The following FIRRM variants were observed in gnomAD, a reference collection of about 807,000 sequenced individuals.
The protein encoded by FIRRM is FIGNL1 interacting regulator of recombination and mitosis, also known as FIGNL1-interacting regulator of recombination and mitosis.
the FIRRM span, chr1:169,852,889 C>T: frequency 6.2e-7 from 1 of 1,614,136 alleles, no homozygotes; most frequent in Non-Finnish European, 8.5e-7. Context: ...TGAGTCACTA[C>T]TCCAAAAGGG....
At chr1:169,830,888 G>A in the FIRRM span, 3 of 718,680 alleles carry the variant, frequency 4.2e-6, no homozygotes, top group East Asian at 2.7e-5. Context: ...TTGTATTAAT[G>A]CTGATGCTTT....
At chr1:169,799,923 G>A in the FIRRM span, among the ~76,000 whole-genome samples, 1 of 152,100 alleles carries the variant, frequency 6.6e-6, no homozygotes, top group Non-Finnish European at 1.5e-5. Flanking sequence ...GCAGTAGTGC[G>A]ATCATAGCTC....
chr1:169,850,994 TTTTTTTTTTTTTA>T, the FIRRM span: 2 of 54,284 alleles, frequency 3.7e-5, no homozygotes, highest in African/African-American at 1.5e-4. Flanking sequence ...TTTTTTTTTT[TTTTTTTTTTTTTA>T]TTTGGGCAGC....
chr1:169,851,738 C>T, the FIRRM span: 1 of 1,544,502 alleles, frequency 6.5e-7, no homozygotes, highest in Non-Finnish European at 8.7e-7. Context: ...ACACTCAGCA[C>T]TTAAATTATG....
the FIRRM span, chr1:169,821,574 T>A: frequency 1.3e-6 from 1 of 784,590 alleles, no homozygotes; most frequent in Non-Finnish European, 1.9e-6. Flanking sequence ...TAAGAGGGGT[T>A]TTTTTTGTTT....
the FIRRM span, among the ~76,000 whole-genome samples, chr1:169,823,920 C>T: frequency 2.0e-5 from 3 of 152,148 alleles, no homozygotes; most frequent in Admixed American, 6.5e-5. Context: ...AACTGAATTA[C>T]AGAAAGGTAT....
the FIRRM span, among the ~76,000 whole-genome samples, chr1:169,797,207 A>G: frequency 2.0e-5 from 3 of 152,240 alleles, no homozygotes; most frequent in Non-Finnish European, 4.4e-5. Context: ...TAATTAGACA[A>G]TACTTTTTTT....
At chr1:169,852,941 A>G in the FIRRM span, 11 of 1,614,054 alleles carry the variant, frequency 6.8e-6, no homozygotes, top group Non-Finnish European at 9.3e-6. Context: ...GAGGCGCTCC[A>G]AGAAAGGATG....
At chr1:169,827,007 A>G in the FIRRM span, 3 of 1,582,038 alleles carry the variant, frequency 1.9e-6, no homozygotes, top group Non-Finnish European at 2.6e-6. Context: ...CTAAAATTAG[A>G]AGATAGCTAT....
At chr1:169,830,716 G>A in the FIRRM span, 1 of 1,613,834 alleles carries the variant, frequency 6.2e-7, no homozygotes, top group South Asian at 1.1e-5. Flanking sequence ...GCTGAACTGT[G>A]TGCACACCAT....
At chr1:169,798,211 C>G in the FIRRM span, among the ~76,000 whole-genome samples, 1 of 151,714 alleles carries the variant, frequency 6.6e-6, no homozygotes, top group East Asian at 1.9e-4. Context: ...AGCCCAGGAG[C>G]TTGAGGCTGC....
chr1:169,803,328 A>G, the FIRRM span: 6 of 1,611,268 alleles, frequency 3.7e-6, no homozygotes, highest in Non-Finnish European at 5.1e-6. Context: ...AGGTCTAATT[A>G]TACTTTGAAT....
At chr1:169,799,332 C>T in the FIRRM span, among the ~76,000 whole-genome samples, 1 of 152,122 alleles carries the variant, frequency 6.6e-6, no homozygotes, top group Non-Finnish European at 1.5e-5. Context: ...TTGCCAAAAG[C>T]TGATTGTCTA....
the FIRRM span, chr1:169,836,904 C>T: frequency 6.3e-7 from 1 of 1,586,770 alleles, no homozygotes; most frequent in Admixed American, 1.8e-5. Context: ...TGTTACTCTT[C>T]TTTCTTTAAC....
chr1:169,833,292 G>T, the FIRRM span, among the ~76,000 whole-genome samples: 3 of 151,956 alleles, frequency 2.0e-5, no homozygotes, highest in South Asian at 4.2e-4. Context: ...TGGAGGCATG[G>T]GTATGAAGTA....
chr1:169,843,664 T>G, the FIRRM span: 1 of 1,590,848 alleles, frequency 6.3e-7, no homozygotes, highest in African/African-American at 1.3e-5. Flanking sequence ...AATTACTTTG[T>G]GTTTCTTAGG....
chr1:169,801,816 T>C, the FIRRM span, among the ~76,000 whole-genome samples: 194 of 152,300 alleles, frequency 1.3e-3, 1 homozygote, highest in Non-Finnish European at 4.1e-4. Context: ...CTTATTGAAA[T>C]GGGTTTCTAA....
the FIRRM span, among the ~76,000 whole-genome samples, chr1:169,841,023 G>T: frequency 6.6e-6 from 1 of 152,142 alleles, no homozygotes; most frequent in Non-Finnish European, 1.5e-5. Context: ...TCCTTGTCTT[G>T]TTCCATTTCT....
chr1:169,827,751 G>T, the FIRRM span: 8 of 1,613,960 alleles, frequency 5.0e-6, no homozygotes, highest in Non-Finnish European at 6.8e-6. Context: ...GTCTTCTTCT[G>T]GTTGTTGTCA....
Sources: gnomAD v4.1 joint callset for allele counts (sites outside exome capture counted in the v4.1 genomes callset) on GRCh38, gnomAD v4.1.1 for gene constraint, MANE v1.5 for transcripts, NCBI Gene and HGNC (gene_info 2026-07-23, HGNC 2026-07-21) for gene names.